Variants in ASXL3 observed in about 807,000 individuals in gnomAD.
ASXL3 encodes putative Polycomb group protein ASXL3.
In ASXL3, 34 loss-of-function variants were observed where a neutral mutation model predicts 170.6. The observed-to-expected ratio is 0.20, with a 90% confidence interval of 0.15 to 0.27. The LOEUF is 0.27. Among genes scored for constraint, ASXL3 ranks in the 10% least tolerant of loss-of-function variants. The probability of loss-of-function intolerance (pLI) is 1.00; values close to 1 mark genes in which losing one functional copy is unlikely to be tolerated. For synonymous variants in ASXL3, 1,002 were observed against 989.1 expected (o/e 1.01, Z -0.24); for missense variants, 2,592 against 2,695.3 (o/e 0.96, Z 0.85).
Position 33,699,320 on chromosome 18 carries a change from C to T in ASXL3, c.879+15752C>T, listed in dbSNP as rs542677045. Reference sequence around the variant, plus strand: ...AGGAATGTATAATGACAGTGTCACACCAAATACACATCATCAATAAAGAAA... The same window carrying T: ...AGGAATGTATAATGACAGTGTCACATCAAATACACATCATCAATAAAGAAA... On this transcript the variant is annotated intron_variant, in intron 8 of 11. Coordinates refer to ENST00000269197, the MANE Select transcript of ASXL3 (RefSeq NM_030632.3). Among the ~76,000 whole-genome samples, 3 of 151,920 alleles carry T rather than the reference C, an allele frequency of 2.0e-5. No individual in the cohort carries two copies. The South Asian group carries it at 6.3e-4, about 32-fold the overall frequency.
At chr18:33,646,401 T>C (rs769582159) in intron 4 of ASXL3, 48 bp downstream of exon 4, 2 of 1,326,092 alleles carry the variant, frequency 1.5e-6, no homozygotes, top group Non-Finnish European at 2.1e-6. Context: ...TCTTAAAAGT[T>C]ATATAGAATG....
At chr18:33,665,759 T>G (rs1173371254) in intron 5 of ASXL3, among the ~76,000 whole-genome samples, 2 of 151,736 alleles carry the variant, frequency 1.3e-5, no homozygotes, top group Non-Finnish European at 2.9e-5. Flanking sequence ...ATTTAAAGGT[T>G]TTTTTTTTCT....
intron 4 of ASXL3, among the ~76,000 whole-genome samples, chr18:33,651,212 A>G (rs981996626): frequency 3.3e-5 from 5 of 152,182 alleles, no homozygotes; most frequent in African/African-American, 1.2e-4. Flanking sequence ...AAATAGTGGG[A>G]TACCACATGA....
Position 33,739,258 on chromosome 18 carries a change from A to T in ASXL3, c.1854A>T (p.Pro618=), listed in dbSNP as rs1293677018. The change falls in exon 11 of 12, where the codon CCA becomes CCT. Residue 618 remains proline (P), a synonymous_variant. Transcript: ENST00000269197. Reference sequence around the variant, plus strand: ...AAACGTCCTTTTCTTCTGAGAGCCCAGAGGGAGCCTGTACCAGCCTGCCTT... The same window carrying T: ...AAACGTCCTTTTCTTCTGAGAGCCCTGAGGGAGCCTGTACCAGCCTGCCTT... The part of the protein sequence containing the change: ...ISETSFSSES[P]EGACTSLPSP... 1.9e-6 allele frequency: 3 copies of T among 1,613,832 alleles called. No individual in the cohort carries two copies. Among genetic ancestry groups the T allele is most frequent in the Non-Finnish European group, 2.5e-6 (3 of 1,179,836 alleles).
intron 1 of ASXL3, among the ~76,000 whole-genome samples, chr18:33,596,842 G>T (rs1421252234): frequency 6.6e-6 from 1 of 152,080 alleles, no homozygotes; most frequent in Non-Finnish European, 1.5e-5. Context: ...TTGAGACAGG[G>T]TCTGGCTCTG....
In ASXL3 at chr18:33,745,340, T is replaced by C; in HGVS notation, c.5492T>C (p.Val1831Ala). 1 of 1,613,484 alleles carries C rather than the reference T, an allele frequency of 6.2e-7. No homozygotes were observed. The highest frequency in any genetic ancestry group is 1.1e-5 in the South Asian group (1 of 91,048). Residue 1831 changes from valine to alanine, a missense_variant, in exon 12 of 12, where the codon GTA (valine) becomes GCA (alanine). Coordinates refer to ENST00000269197, the MANE Select transcript of ASXL3 (RefSeq NM_030632.3). ...RKRENHPKKR[V>A]ARTVGEHTQV... ...CGAGAAAACCACCCCAAAAAGAGAG[T>C]AGCTAGGACTGTAGGAGAACACACT...
chr18:33,728,075 T>A (rs1314496737), intron 8 of ASXL3, among the ~76,000 whole-genome samples: 1 of 152,180 alleles, frequency 6.6e-6, no homozygotes, highest in East Asian at 1.9e-4. Flanking sequence ...GAAATTTTAA[T>A]TACTAACTAA....
intron 1 of ASXL3, among the ~76,000 whole-genome samples, chr18:33,595,768 G>A (rs1367326266): frequency 1.3e-5 from 2 of 152,136 alleles, no homozygotes; most frequent in Non-Finnish European, 2.9e-5. Flanking sequence ...GTTTTCTTGA[G>A]TTTTAGGGTT....
chr18:33,709,584 A>C lies in ASXL3; in HGVS notation c.880-22384A>C, dbSNP rs562913589. Among the ~76,000 whole-genome samples, 3 of 152,278 alleles carry C rather than the reference A, an allele frequency of 2.0e-5. No individual in the cohort carries two copies. The East Asian group carries it at 5.8e-4, about 29-fold the overall frequency. ...TATAAAGATCAAAAAAAGCAAAACT[A>C]ATCTGTGGTGTTAGATTACTCTTAG... On this transcript the variant is annotated intron_variant, in intron 8 of 11. Coordinates refer to ENST00000269197, the MANE Select transcript of ASXL3 (RefSeq NM_030632.3).
chr18:33,637,344 G>A (rs1268977844), intron 2 of ASXL3, among the ~76,000 whole-genome samples: 1 of 152,114 alleles, frequency 6.6e-6, no homozygotes, highest in Non-Finnish European at 1.5e-5. Context: ...GAGTTAAACA[G>A]GATTTTTCAG....
intron 7 of ASXL3, among the ~76,000 whole-genome samples, chr18:33,673,968 A>C (rs2066387649): frequency 6.6e-6 from 1 of 152,220 alleles, no homozygotes; most frequent in African/African-American, 2.4e-5. Flanking sequence ...GGAATGGAGA[A>C]GTGAAGTCAC....
chr18:33,731,892 T>G, intron 8 of ASXL3, 76 bp from the exon 9 acceptor site: 3 of 1,172,872 alleles, frequency 2.6e-6, no homozygotes, highest in Non-Finnish European at 3.7e-6. Context: ...ACCACTCAAT[T>G]TTTGCTTCTT....
At position 33,745,467 on chromosome 18, in the gene ASXL3, A is replaced by G; in HGVS notation, c.5619A>G (p.Pro1873=). ...TCAGTCAGCTAGGACACAGCCAGCC[A>G]TTTAAGCAAGAATGGCTAAACAAGC... ...SGISQLGHSQ[P]FKQEWLNKHS... is the part of the protein sequence containing the mutation. Residue 1873 remains proline, a synonymous_variant, in exon 12 of 12, where the codon CCA becomes CCG. Transcript: ENST00000269197. 1 of 1,614,032 alleles carries G rather than the reference A, an allele frequency of 6.2e-7. No individual in the cohort carries two copies. Among genetic ancestry groups the G allele is most frequent in the South Asian group, 1.1e-5 (1 of 91,086 alleles).
Position 33,743,410 on chromosome 18 carries a change from C to T in ASXL3, c.3562C>T (p.Pro1188Ser), listed in dbSNP as rs1568364767. ...CACTGTACTACAGCAGTCTCTTAAC[C>T]CAAGTAAACTTCCAGAAACTGCCAC... Reference protein sequence around the residue: ...TTTVLQQSLNPSKLPETATDL... With the variant: ...TTTVLQQSLNSSKLPETATDL... The change falls in exon 12 of 12, where the codon CCA (proline) becomes TCA (serine). Residue 1188 changes from proline to serine, a missense_variant. By Grantham distance (74) the Pro-to-Ser change is moderately conservative. Coordinates refer to ENST00000269197, the MANE Select transcript of ASXL3 (RefSeq NM_030632.3). 1.9e-6 allele frequency: 3 copies of T among 1,613,282 alleles called. No homozygotes were observed. Among genetic ancestry groups the T allele is most frequent in the Non-Finnish European group, 2.5e-6 (3 of 1,179,818 alleles).
At chr18:33,617,320 A>T (rs2065440931) in intron 2 of ASXL3, among the ~76,000 whole-genome samples, 2 of 152,144 alleles carry the variant, frequency 1.3e-5, no homozygotes, top group East Asian at 3.9e-4. Context: ...GGTGAAACCC[A>T]TCTCTACTAA....
intron 4 of ASXL3, among the ~76,000 whole-genome samples, chr18:33,653,302 A>G (rs1404605600): frequency 1.3e-5 from 2 of 152,142 alleles, no homozygotes; most frequent in East Asian, 3.9e-4. Flanking sequence ...ATTCCTAAGA[A>G]TCTTGCAGGG....
chr18:33,654,213 A>G (rs571744283), intron 4 of ASXL3, among the ~76,000 whole-genome samples: 17 of 152,196 alleles, frequency 1.1e-4, no homozygotes, highest in Non-Finnish European at 2.4e-4. Context: ...ATAAAACTAA[A>G]GATTGAGAAC....
intron 7 of ASXL3, among the ~76,000 whole-genome samples, chr18:33,681,694 C>A (rs1272943806): frequency 6.6e-6 from 1 of 151,588 alleles, no homozygotes; most frequent in Non-Finnish European, 1.5e-5. Context: ...TATTTAAGAA[C>A]TTTAATCATT....
At chr18:33,716,950 T>A (rs73955187) in intron 8 of ASXL3, among the ~76,000 whole-genome samples, 3,339 of 152,044 alleles carry the variant, frequency 0.022, 62 homozygotes, top group South Asian at 0.1. Flanking sequence ...CATACATTTA[T>A]ATTTACCTCT....
Sources: allele counts gnomAD v4.1 joint callset (sites outside exome capture counted in the v4.1 genomes callset), GRCh38; gene constraint gnomAD v4.1.1; transcripts MANE v1.5; gene names NCBI Gene and HGNC (gene_info 2026-07-23, HGNC 2026-07-21).